Variants in DOK6 observed in about 807,000 individuals in gnomAD.
DOK6 encodes the protein downstream of tyrosine kinase 6.
A neutral mutation model predicts 44.0 loss-of-function variants in DOK6; 22 were observed. The ratio of observed to expected loss-of-function variants is 0.50; its 90% confidence interval spans 0.36 to 0.71. The LOEUF is 0.71. Ranked by LOEUF, DOK6 falls within the 30% of genes least tolerant of loss-of-function variation. The pLI is 0.00. For missense variants in DOK6, 340 were observed against 416.4 expected, an observed-to-expected ratio of 0.82 and a Z score of 1.60; for synonymous variants, 166 against 145.5, an observed-to-expected ratio of 1.14 and a Z score of -1.01.
chr18:69,540,305 C>T (rs1568290266), intron 1 of DOK6, among the ~76,000 whole-genome samples: 1 of 152,210 alleles, frequency 6.6e-6, no homozygotes, highest in Non-Finnish European at 1.5e-5. Flanking sequence ...GATTACTCAT[C>T]TGCCATTGCC....
At chr18:69,738,834 G>C (rs1978700790) in intron 5 of DOK6, 131 bp from the exon 6 acceptor site, 2 of 1,134,114 alleles carry the variant, frequency 1.8e-6, no homozygotes, top group Middle Eastern at 4.1e-4. Flanking sequence ...GGTTACGGCT[G>C]AATCAGCCTC....
intron 1 of DOK6, among the ~76,000 whole-genome samples, chr18:69,445,999 G>C (rs1979277029): frequency 6.6e-6 from 1 of 150,868 alleles, no homozygotes; most frequent in Non-Finnish European, 1.5e-5. Context: ...TTTTTTCGTG[G>C]TCAGTCTATC....
chr18:69,583,325 G>A (rs1983411901), intron 2 of DOK6, among the ~76,000 whole-genome samples: 1 of 152,132 alleles, frequency 6.6e-6, no homozygotes, highest in South Asian at 2.1e-4. Context: ...GTGCATGGTT[G>A]CTTTCAGGTT....
intron 7 of DOK6, among the ~76,000 whole-genome samples, chr18:69,808,486 G>T (rs1024303379): frequency 1.3e-5 from 2 of 151,674 alleles, no homozygotes; most frequent in African/African-American, 2.4e-5. Context: ...AAGAGCAACA[G>T]AACTAAAAGT....
chr18:69,677,142 C>A (rs1306418750), intron 3 of DOK6, among the ~76,000 whole-genome samples: 1 of 152,046 alleles, frequency 6.6e-6, no homozygotes, highest in Non-Finnish European at 1.5e-5. Context: ...CATTACAATT[C>A]AGAATGACTT....
intron 3 of DOK6, among the ~76,000 whole-genome samples, chr18:69,668,564 T>C (rs1225711887): frequency 6.6e-6 from 1 of 152,180 alleles, no homozygotes; most frequent in Non-Finnish European, 1.5e-5. Context: ...CTTTTGGGGA[T>C]TGAGGTGTGG....
rs1479425642 is a variant in DOK6 at position 69,429,616 on chromosome 18, GATACAT to G, written c.66+28310_66+28315del. Among the ~76,000 whole-genome samples the G allele has an allele frequency of 1.0e-2, 779 of 78,072 alleles. 9 individuals are homozygous for G. Among genetic ancestry groups the G allele is most frequent in the Non-Finnish European group, 0.016 (582 of 36,504 alleles). The allele number at this position is 78,072 out of a possible 152,430, so 51.2% of individuals were successfully genotyped here. ...TTTTTCTATAAGGAAAATATTGAGG[GATACAT>G]ATATATATATATATATATATATATA... On this transcript the variant is annotated intron_variant, in intron 1 of 7. Coordinates refer to ENST00000382713, the MANE Select transcript of DOK6 (RefSeq NM_152721.6).
At chr18:69,713,860 T>C (rs1293097505) in intron 5 of DOK6, among the ~76,000 whole-genome samples, 1 of 152,250 alleles carries the variant, frequency 6.6e-6, no homozygotes, top group Non-Finnish European at 1.5e-5. Context: ...TGAAACGTGA[T>C]GCTACTGAAT....
intron 3 of DOK6, among the ~76,000 whole-genome samples, chr18:69,653,933 G>A (rs1006470592): frequency 4.6e-5 from 7 of 152,122 alleles, no homozygotes; most frequent in Admixed American, 2.6e-4. Flanking sequence ...TAGAAATGGG[G>A]CCACAGATTA....
intron 1 of DOK6, among the ~76,000 whole-genome samples, chr18:69,427,628 T>C (rs1978677370): frequency 6.6e-6 from 1 of 152,124 alleles, no homozygotes; most frequent in Non-Finnish European, 1.5e-5. Context: ...GGAATACAAC[T>C]CATTCTATCT....
chr18:69,741,134 G>A (rs1187029017), intron 6 of DOK6, among the ~76,000 whole-genome samples: 1 of 152,216 alleles, frequency 6.6e-6, no homozygotes, highest in African/African-American at 2.4e-5. Flanking sequence ...CTGAGACAGA[G>A]ATAGAAGGGA....
rs1230175306 is a variant in DOK6, at chr18:69,836,259, G to T, written c.857-4985G>T. Among the ~76,000 whole-genome samples, 6 of 151,686 alleles carry T rather than the reference G, an allele frequency of 4.0e-5. No individual in the cohort carries two copies. The East Asian group carries it at 1.2e-3, about 30-fold the overall frequency. ...TTCTTTTTAAGGCTAGAGTGGTTTT[G>T]CTTTTATTGTGTGATACTCTTGAGT... On this transcript the variant is annotated intron_variant, in intron 7 of 7. Coordinates refer to ENST00000382713, the MANE Select transcript of DOK6 (RefSeq NM_152721.6).
At chr18:69,660,609 C>T (rs562984632) in intron 3 of DOK6, 5 of 152,116 alleles carry the variant, frequency 3.3e-5, no homozygotes, top group Non-Finnish European at 4.4e-5. Flanking sequence ...TTCACACTGA[C>T]CTCAAGGAGC....
chr18:69,586,424 C>T (rs573750755), intron 2 of DOK6, among the ~76,000 whole-genome samples: 1 of 152,146 alleles, frequency 6.6e-6, no homozygotes, highest in African/African-American at 2.4e-5. Flanking sequence ...GGCCCTCTGC[C>T]GTGCTACTCT....
Position 69,722,815 on chromosome 18 carries a change from C to G in DOK6, c.600-16150C>G, listed in dbSNP as rs192459799. ...TCAGCACCAAAATCAAAAATAACAG[C>G]CCAGGATCCTGAGGGAATAGATAGC... On this transcript the variant is annotated intron_variant, in intron 5 of 7. Transcript: ENST00000382713. Among the ~76,000 whole-genome samples, 336 of 152,108 alleles carry G rather than the reference C, an allele frequency of 2.2e-3. 3 individuals are homozygous for G. Among genetic ancestry groups the G allele is most frequent in the African/African-American group, 7.7e-3 (321 of 41,486 alleles).
At chr18:69,554,882 A>G (rs552568536) in intron 1 of DOK6, among the ~76,000 whole-genome samples, 36 of 152,230 alleles carry the variant, frequency 2.4e-4, no homozygotes, top group African/African-American at 8.7e-4. Context: ...CTGAGTACGA[A>G]TGTAGTTGAG....
At chr18:69,745,657 T>G (rs1463730095) in intron 6 of DOK6, among the ~76,000 whole-genome samples, 1 of 152,176 alleles carries the variant, frequency 6.6e-6, no homozygotes, top group African/African-American at 2.4e-5. Context: ...CCAGGGAGAC[T>G]ACAACAGAGC....
At chr18:69,513,198 A>G (rs1470879239) in intron 1 of DOK6, among the ~76,000 whole-genome samples, 1 of 152,236 alleles carries the variant, frequency 6.6e-6, no homozygotes, top group Non-Finnish European at 1.5e-5. Flanking sequence ...ACATATTGTT[A>G]TTAAAAATAA....
chr18:69,572,698 T>C (rs559864880), intron 2 of DOK6, among the ~76,000 whole-genome samples: 213 of 151,900 alleles, frequency 1.4e-3, no homozygotes, highest in Non-Finnish European at 2.5e-3. Flanking sequence ...AGGTGAGAAA[T>C]AACATTAAGA....
Sources: allele counts gnomAD v4.1 joint callset (sites outside exome capture counted in the v4.1 genomes callset), GRCh38; gene constraint gnomAD v4.1.1; transcripts MANE v1.5; gene names NCBI Gene and HGNC (gene_info 2026-07-23, HGNC 2026-07-21).